LYST: variants seen among roughly 807,000 people sequenced by gnomAD.
LYST encodes the protein lysosomal trafficking regulator.
A neutral mutation model predicts 413.6 loss-of-function variants in LYST; 192 were observed. That is an observed-to-expected ratio of 0.46 (90% CI 0.41 to 0.52). LYST has a LOEUF of 0.52. LYST is among the 20% of genes least tolerant of loss of function. The probability of loss-of-function intolerance (pLI) is 0.00; values close to 1 mark genes in which losing one functional copy is unlikely to be tolerated. For missense variants in LYST, 3,815 were observed against 4,499.9 expected (o/e 0.85, Z 4.35); for synonymous variants, 1,525 against 1,567.3 (o/e 0.97, Z 0.64).
intron 19 of LYST, among the ~76,000 whole-genome samples, chr1:235,772,700 T>C (rs1668830084): frequency 6.6e-6 from 1 of 152,172 alleles, no homozygotes; most frequent in Non-Finnish European, 1.5e-5. Flanking sequence ...TATCTCTAAC[T>C]CCTGGCCAGC....
At chr1:235,712,850 G>A (rs192183235) in intron 42 of LYST, 2 of 985,012 alleles carry the variant, frequency 2.0e-6, no homozygotes, top group Admixed American at 1.2e-4. Flanking sequence ...AAAGAATTAA[G>A]TTTGGACTCT....
Position 235,793,518 on chromosome 1 carries a change from C to T in LYST, c.4101G>A (p.Glu1367=), listed in dbSNP as rs773424858. 59 of 1,543,584 alleles carry T rather than the reference C, an allele frequency of 3.8e-5. No homozygotes were observed. The highest frequency in any genetic ancestry group is 5.3e-5 in the Non-Finnish European group (59 of 1,119,928). The part of the protein sequence containing the change: ...ELTLLLRIFL[E]KSPCTKILLL... Reference sequence around the variant, plus strand: ...GCATATTTACTGTACAAGGAGATTTCTCCAGAAATATTCTCAAAAGAAGGG... The same window carrying T: ...GCATATTTACTGTACAAGGAGATTTTTCCAGAAATATTCTCAAAAGAAGGG... Residue 1367 remains glutamate, a synonymous_variant, in exon 11 of 53, where the codon GAG becomes GAA. Coordinates refer to ENST00000389793, the MANE Select transcript of LYST (RefSeq NM_000081.4).
Position 235,773,838 on chromosome 1 carries a change from A to G in LYST, c.5784+4T>C. Reference sequence around the variant, plus strand: ...AAAATGGAAAAAAAGTACATATTACATGCCTCTGCTTTACTCCATATCTTC... The same window carrying G: ...AAAATGGAAAAAAAGTACATATTACGTGCCTCTGCTTTACTCCATATCTTC... On this transcript the variant is annotated splice_donor_region_variant and intron_variant, in intron 19 of 52. Coordinates refer to ENST00000389793, the MANE Select transcript of LYST (RefSeq NM_000081.4). The G allele has an allele frequency of 1.2e-6, 2 of 1,610,562 alleles. No individual in the cohort carries two copies. The highest frequency in any genetic ancestry group is 1.7e-6 in the Non-Finnish European group (2 of 1,177,014).
intron 8 of LYST, among the ~76,000 whole-genome samples, chr1:235,801,456 G>T (rs1672215754): frequency 6.6e-6 from 1 of 151,082 alleles, no homozygotes; most frequent in Admixed American, 6.6e-5. Context: ...AGTTCAATTT[G>T]CCTACCCAAA....
In LYST at chr1:235,806,329, G is replaced by T. The variant is rs769041317; in HGVS notation, c.2807C>A (p.Pro936His). 47 of 1,613,888 alleles carry T rather than the reference G, an allele frequency of 2.9e-5. No homozygotes were observed. The highest frequency in any genetic ancestry group is 3.8e-5 in the Non-Finnish European group (45 of 1,179,990). ...TSGYDSTASE[P>H]LSHMLPCISL... Reference sequence around the variant, plus strand: ...TATACATGGCAGCATATGACTTAAAGGCTCGCTGGCTGTGCTGTCATAGCC... The same window carrying T: ...TATACATGGCAGCATATGACTTAAATGCTCGCTGGCTGTGCTGTCATAGCC... Residue 936 changes from proline to histidine, a missense_variant, in exon 6 of 53, where the codon CCT (proline) becomes CAT (histidine). Around this residue, in one of 4 missense-constraint regions of LYST, gnomAD observed 1,648 missense variants for 1,810.3 expected, o/e 0.91. Coordinates refer to ENST00000389793, the MANE Select transcript of LYST (RefSeq NM_000081.4).
At chr1:235,853,669 C>T (rs913562804) in intron 1 of LYST, among the ~76,000 whole-genome samples, 1 of 152,102 alleles carries the variant, frequency 6.6e-6, no homozygotes, top group African/African-American at 2.4e-5. Context: ...TCTTGGTTAA[C>T]ATGCCATTCC....
At chr1:235,843,369 G>A (rs1283795731) in intron 1 of LYST, among the ~76,000 whole-genome samples, 1 of 152,128 alleles carries the variant, frequency 6.6e-6, no homozygotes, top group Non-Finnish European at 1.5e-5. Context: ...CATGACAGTA[G>A]TGAAATAGGA....
At chr1:235,846,066 A>G (rs1677821824) in intron 1 of LYST, among the ~76,000 whole-genome samples, 2 of 152,182 alleles carry the variant, frequency 1.3e-5, no homozygotes, top group South Asian at 2.1e-4. Flanking sequence ...ATGGCCAACC[A>G]GTACAAAAAT....
chr1:235,680,597 ATTTTCTT>A (rs1480432417), intron 48 of LYST, among the ~76,000 whole-genome samples: 1 of 147,716 alleles, frequency 6.8e-6, no homozygotes, highest in Non-Finnish European at 1.5e-5. Flanking sequence ...CACACAAGTG[ATTTTCTT>A]TTTTTTTTTT....
intron 1 of LYST, among the ~76,000 whole-genome samples, chr1:235,833,917 A>C (rs1187410891): frequency 2.0e-5 from 3 of 152,200 alleles, no homozygotes; most frequent in African/African-American, 7.2e-5. Context: ...CTTAACTTAA[A>C]ACCTCCAGGT....
At chr1:235,714,319 A>G (rs1205981878) in intron 42 of LYST, among the ~76,000 whole-genome samples, 1 of 152,206 alleles carries the variant, frequency 6.6e-6, no homozygotes, top group Non-Finnish European at 1.5e-5. Context: ...AAGGATAATT[A>G]GCCAGGGGAA....
intron 19 of LYST, among the ~76,000 whole-genome samples, chr1:235,773,390 T>G (rs1466681565): frequency 2.0e-5 from 3 of 151,984 alleles, no homozygotes; most frequent in Non-Finnish European, 4.4e-5. Context: ...AGCTAAAATG[T>G]GGAAACAATC....
chr1:235,675,650 T>G (rs1275515135), intron 50 of LYST, among the ~76,000 whole-genome samples: 1 of 152,168 alleles, frequency 6.6e-6, no homozygotes, highest in African/African-American at 2.4e-5. Flanking sequence ...TCAGGGCACT[T>G]CCAGACCTGG....
intron 48 of LYST, among the ~76,000 whole-genome samples, chr1:235,682,708 A>C (rs1466502652): frequency 1.3e-5 from 2 of 152,216 alleles, no homozygotes; most frequent in African/African-American, 2.4e-5. Context: ...AATTGTAAAG[A>C]GCTTAGAACA....
chr1:235,798,329 C>A (rs1416197486), intron 10 of LYST, among the ~76,000 whole-genome samples: 2 of 151,524 alleles, frequency 1.3e-5, no homozygotes, highest in African/African-American at 4.8e-5. Flanking sequence ...AATATAAGTT[C>A]ATTAATTATA....
At chr1:235,800,735 T>C (rs983639189) in intron 9 of LYST, 136 bp downstream of exon 9, 12 of 661,350 alleles carry the variant, frequency 1.8e-5, no homozygotes, top group Non-Finnish European at 2.9e-5. Flanking sequence ...CACTTGTAGG[T>C]ATTCACCTGA....
intron 7 of LYST, among the ~76,000 whole-genome samples, chr1:235,803,752 A>C (rs61837691): frequency 0.19 from 28,289 of 152,118 alleles, 3,375 homozygotes; most frequent in Non-Finnish European, 0.27. Context: ...TTAGTCAATT[A>C]ATTCAGTAAT....
At chr1:235,790,831 A>G (rs1214238537) in intron 12 of LYST, among the ~76,000 whole-genome samples, 1 of 152,198 alleles carries the variant, frequency 6.6e-6, no homozygotes, top group African/African-American at 2.4e-5. Context: ...AATTTATTCT[A>G]ATGTTGGAGA....
rs776914429 is a variant in LYST at position 235,792,098 on chromosome 1, T to C, written c.4144A>G (p.Ile1382Val). ...TKILLLGILK[I>V]IESDTTMSPS... The stretch of plus-strand genomic sequence containing the variant: ...CTCATAGTAGTATCACTTTCAATAA[T>C]TTTCAGAATACCCAGAAGAAGAATT... Residue 1382 changes from isoleucine to valine, a missense_variant, in exon 12 of 53, where the codon ATT becomes GTT. By Grantham distance (29) the Ile-to-Val change is conservative (BLOSUM62 3). Coordinates refer to ENST00000389793, the MANE Select transcript of LYST (RefSeq NM_000081.4). The C allele has an allele frequency of 6.2e-7, 1 of 1,611,850 alleles. No individual in the cohort carries two copies. Among genetic ancestry groups the C allele is most frequent in the South Asian group, 1.1e-5 (1 of 90,932 alleles).
Sources: gnomAD v4.1 joint callset for allele counts (sites outside exome capture counted in the v4.1 genomes callset) on GRCh38, gnomAD v4.1.1 for gene constraint, gnomAD v4.1.1 regional missense constraint, MANE v1.5 for transcripts, NCBI Gene and HGNC (gene_info 2026-07-23, HGNC 2026-07-21) for gene names.